CNTNAP1: variants seen among roughly 807,000 people sequenced by gnomAD.
The protein encoded by CNTNAP1 is contactin associated protein 1, also known as contactin-associated protein 1.
Under a neutral mutation model 161.5 loss-of-function variants are expected in CNTNAP1, and 80 were observed. The observed-to-expected ratio is 0.50, with a 90% CI of 0.41 to 0.60. The LOEUF is 0.60. CNTNAP1 is among the 20% of genes least tolerant of loss of function. The pLI, the probability that CNTNAP1 is intolerant of heterozygous loss-of-function variation, is 0.00. For synonymous variants in CNTNAP1, 695 were observed against 733.1 expected (o/e 0.95, Z 0.84); for missense variants, 1,464 against 1,854.8 (o/e 0.79, Z 3.87).
Position 42,693,507 on chromosome 17 carries a change from C to G in CNTNAP1, c.2963C>G (p.Thr988Arg). ...TACTACACGTGTGACTGTGACCTCA[C>G]GGCTTTTGATGGGCCATACTGCAAC... ...YSYYTCDCDLTAFDGPYCNHD... is the reference protein window; with the variant it reads ...YSYYTCDCDLRAFDGPYCNHD... Residue 988 changes from threonine (T) to arginine (R), a missense_variant, in exon 18 of 24, where the codon ACG (threonine) becomes AGG (arginine). Thr to Arg is a moderately conservative substitution (Grantham distance 71). Coordinates refer to ENST00000264638, the MANE Select transcript of CNTNAP1 (RefSeq NM_003632.3). 1 of 1,614,032 alleles carries G rather than the reference C, an allele frequency of 6.2e-7. No homozygotes were observed. Among genetic ancestry groups the G allele is most frequent in the Non-Finnish European group, 8.5e-7 (1 of 1,179,900 alleles).
chr17:42,686,356 T>C (rs933785000), intron 6 of CNTNAP1, among the ~76,000 whole-genome samples: 4 of 151,512 alleles, frequency 2.6e-5, no homozygotes, highest in African/African-American at 9.7e-5. Flanking sequence ...CTGGGCAACA[T>C]AGTGACATCC....
chr17:42,691,533 T>C lies in CNTNAP1; in HGVS notation c.2344+22T>C, dbSNP rs1056898572. 4.3e-5 allele frequency: 69 copies of C among 1,613,432 alleles called. No homozygotes were observed. Among genetic ancestry groups the C allele is most frequent in the Non-Finnish European group, 5.6e-5 (66 of 1,179,760 alleles). ...GATCGTGAGTGGCAGTCCCCTTTTGTGTGCCCTCCCAGAGCTGACTCTCCA... is the reference window on the plus strand; with the variant it reads ...GATCGTGAGTGGCAGTCCCCTTTTGCGTGCCCTCCCAGAGCTGACTCTCCA... On this transcript the variant is annotated intron_variant, in intron 15 of 23. Transcript: ENST00000264638. This position sits in a 1 kb window ranked among gnomAD's most constrained non-coding sequence, Gnocchi z 4.3.
Position 42,695,706 on chromosome 17 carries a change from C to G in CNTNAP1, c.3178C>G (p.Pro1060Ala). ...PGYHGPGYRL[P>A]DYPRPGRPVP... ...CTACCATGGCCCCGGGTACCGCCTG[C>G]CCGACTACCCCCGGCCTGGTCGGCC... Residue 1060 changes from proline (P) to alanine (A), a missense_variant, in exon 19 of 24, where the codon CCC becomes GCC. Pro to Ala is a conservative substitution (Grantham distance 27). Coordinates refer to ENST00000264638, the MANE Select transcript of CNTNAP1 (RefSeq NM_003632.3). 1 of 1,614,178 alleles carries G rather than the reference C, an allele frequency of 6.2e-7. No homozygotes were observed. Among genetic ancestry groups the G allele is most frequent in the Non-Finnish European group, 8.5e-7 (1 of 1,180,032 alleles).
Position 42,683,859 on chromosome 17 carries a change from C to T in CNTNAP1, c.106C>T (p.Arg36Cys). Residue 36 changes from arginine to cysteine, a missense_variant, in exon 2 of 24, where the codon CGC becomes TGC. Transcript: ENST00000264638. ...DEELVGPLYA[R>C]SLGASSYYSL... The stretch of plus-strand genomic sequence containing the variant: ...GGAGCTGGTGGGTCCCCTGTATGCA[C>T]GCTCCCTGGGCGCCTCCTCCTACTA... The T allele has an allele frequency of 2.5e-6, 4 of 1,612,876 alleles. No individual in the cohort carries two copies. The highest frequency in any genetic ancestry group is 3.4e-6 in the Non-Finnish European group (4 of 1,179,992).
intron 9 of CNTNAP1, 77 bp downstream of exon 9, chr17:42,688,688 C>T: frequency 6.3e-7 from 1 of 1,596,774 alleles, no homozygotes; most frequent in Non-Finnish European, 8.6e-7. Flanking sequence ...GATGGGGCCA[C>T]ATGGAGAATT....
intron 9 of CNTNAP1, 109 bp downstream of exon 9, chr17:42,688,720 C>A: frequency 6.5e-7 from 1 of 1,542,824 alleles, no homozygotes; most frequent in South Asian, 1.1e-5. Flanking sequence ...AAGCCCTCTT[C>A]CCCTCTGGGG....
In CNTNAP1 at chr17:42,690,756, G is replaced by C. The variant is rs564211340; in HGVS notation, c.1873G>C (p.Val625Leu). The C allele has an allele frequency of 4.3e-6, 7 of 1,614,208 alleles. No individual in the cohort carries two copies. In the East Asian group the frequency reaches 1.3e-4, roughly 31 times the overall value. Reference protein sequence around the residue: ...CDIRENRAWTVVRHDRLWTTR... With the variant: ...CDIRENRAWTLVRHDRLWTTR... The stretch of plus-strand genomic sequence containing the variant: ...TCTGCCAGAGAACCGAGCGTGGACA[G>C]TTGTGCGGCATGACAGGCTGTGGAC... The change falls in exon 13 of 24, where the codon GTT (valine) becomes CTT (leucine). Residue 625 changes from valine (V) to leucine (L), a missense_variant. Val to Leu is a conservative substitution (Grantham distance 32). This residue lies in a region of CNTNAP1 where 1,383 missense variants were observed against 1,765.0 expected (regional missense o/e 0.78). Coordinates refer to ENST00000264638, the MANE Select transcript of CNTNAP1 (RefSeq NM_003632.3).
At position 42,688,956 on chromosome 17, in the gene CNTNAP1, G is replaced by C. The variant is rs2053052313; in HGVS notation, c.1537G>C (p.Asp513His). 6.2e-7 allele frequency: 1 copy of C among 1,613,884 alleles called. No individual in the cohort carries two copies. Among genetic ancestry groups the C allele is most frequent in the African/African-American group, 1.3e-5 (1 of 74,896 alleles). The change falls in exon 10 of 24, where the codon GAT becomes CAT. Residue 513 changes from aspartate to histidine, a missense_variant. By Grantham distance (81) the Asp-to-His change is moderately conservative (BLOSUM62 -1). Around this residue, in one of 3 missense-constraint regions of CNTNAP1, gnomAD observed 1,383 missense variants for 1,765.0 expected, o/e 0.78. Coordinates refer to ENST00000264638, the MANE Select transcript of CNTNAP1 (RefSeq NM_003632.3). ...TGGCTGCATGGAGCTGCTCAAGGTG[G>C]ATGGTCAACTGGTCAACCTGACTCT... ...FHGCMELLKV[D>H]GQLVNLTLVE...
chr17:42,698,536 T>C (rs1216696842), intron 23 of CNTNAP1, 82 bp from the exon 24 acceptor site: 28 of 252,562 alleles, frequency 1.1e-4, no homozygotes, highest in Non-Finnish European at 1.6e-4. Flanking sequence ...AAAGAGTGCG[T>C]GTGTGTGTGT....
intron 11 of CNTNAP1, 80 bp from the exon 12 acceptor site, chr17:42,690,007 TG>T (rs2053064620): frequency 3.3e-6 from 5 of 1,530,688 alleles, no homozygotes; most frequent in Non-Finnish European, 4.5e-6. Flanking sequence ...CCCAAAGTGC[TG>T]GGATTACAGG....
In CNTNAP1 at chr17:42,698,845, G is replaced by A. The variant is rs1333011065; in HGVS notation, c.4090G>A (p.Ala1364Thr). Residue 1364 changes from alanine (A) to threonine (T), a missense_variant, in exon 24 of 24, where the codon GCC becomes ACC. This residue lies in a region of CNTNAP1 where 1,383 missense variants were observed against 1,765.0 expected (regional missense o/e 0.78). Coordinates refer to ENST00000264638, the MANE Select transcript of CNTNAP1 (RefSeq NM_003632.3). ...AGCCCCAGCCCCAGCCCCAACTCCA[G>A]CCCCAGCCCCTGGCCCCCGGGATCA... Reference protein sequence around the residue: ...ASAPAPAPTPAPAPGPRDQNL... With the variant: ...ASAPAPAPTPTPAPGPRDQNL... 1.3e-6 allele frequency: 2 copies of A among 1,508,898 alleles called. No individual in the cohort carries two copies. Among genetic ancestry groups the A allele is most frequent in the Non-Finnish European group, 8.9e-7 (1 of 1,127,244 alleles). 93.5% of individuals were successfully genotyped at this position (1,508,898 alleles called of 1,614,324 possible).
intron 10 of CNTNAP1, among the ~76,000 whole-genome samples, chr17:42,689,287 G>A (rs1302326966): frequency 6.6e-6 from 1 of 152,048 alleles, no homozygotes; most frequent in African/African-American, 2.4e-5. Context: ...CTAGGGGGAT[G>A]ATAGGGGTAG....
chr17:42,698,859 C>T lies in CNTNAP1; in HGVS notation c.4104C>T (p.Gly1368=), dbSNP rs749021699. ...APAPTPAPAP[G]PRDQNLPQIL... is the part of the protein sequence containing the mutation. Reference sequence around the variant, plus strand: ...CCCCAACTCCAGCCCCAGCCCCTGGCCCCCGGGATCAGAACCTACCCCAGA... The same window carrying T: ...CCCCAACTCCAGCCCCAGCCCCTGGTCCCCGGGATCAGAACCTACCCCAGA... Residue 1368 remains glycine, a synonymous_variant, in exon 24 of 24, where the codon GGC becomes GGT. Transcript: ENST00000264638. The T allele has an allele frequency of 1.9e-6, 3 of 1,584,092 alleles. No individual in the cohort carries two copies. Among genetic ancestry groups the T allele is most frequent in the Middle Eastern group, 1.9e-4 (1 of 5,306 alleles).
chr17:42,685,816 A>T lies in CNTNAP1; in HGVS notation c.716-141A>T. 1 of 843,000 alleles carries T rather than the reference A, an allele frequency of 1.2e-6. No individual in the cohort carries two copies. Among genetic ancestry groups the T allele is most frequent in the Non-Finnish European group, 1.8e-6 (1 of 549,824 alleles). 52.2% of individuals were successfully genotyped at this position (843,000 alleles called of 1,614,324 possible). On this transcript the variant is annotated intron_variant, in intron 5 of 23. Coordinates refer to ENST00000264638, the MANE Select transcript of CNTNAP1 (RefSeq NM_003632.3). This position sits in a 1 kb window ranked among gnomAD's most constrained non-coding sequence, Gnocchi z 5.0. The stretch of plus-strand genomic sequence containing the variant: ...GGCTAAATGGCTTACCCTGTCACAC[A>T]CTCGCCAATGGCTGTTGATCTATTC...
intron 6 of CNTNAP1, 81 bp from the exon 7 acceptor site, chr17:42,686,822 G>A: frequency 6.8e-7 from 1 of 1,472,776 alleles, no homozygotes; most frequent in Non-Finnish European, 9.1e-7. Context: ...CTGGCATTTG[G>A]GAAAGCATAC....
intron 20 of CNTNAP1, among the ~76,000 whole-genome samples, chr17:42,696,673 A>C (rs1567976218): frequency 6.6e-6 from 1 of 152,112 alleles, no homozygotes; most frequent in Non-Finnish European, 1.5e-5. Context: ...AAAGAGCCTC[A>C]GAAAGTAAAG....
chr17:42,685,193 G>GC lies in CNTNAP1; in HGVS notation c.512-21dup, dbSNP rs1274118036. ...TGGGAGACAGCCTCCCCAGTTCCCGGCCCACCTACGGTCCTTTGCGCAGAG... is the reference window on the plus strand; with the variant it reads ...TGGGAGACAGCCTCCCCAGTTCCCGGCCCCACCTACGGTCCTTTGCGCAGAG... On this transcript the variant is annotated intron_variant, in intron 4 of 23. Coordinates refer to ENST00000264638, the MANE Select transcript of CNTNAP1 (RefSeq NM_003632.3). The surrounding 1 kb of genome is among the most constrained non-coding windows in gnomAD (Gnocchi z 5.0). 6.2e-7 allele frequency: 1 copy of GC among 1,612,334 alleles called. No individual in the cohort carries two copies. Among genetic ancestry groups the GC allele is most frequent in the Admixed American group, 1.7e-5 (1 of 60,012 alleles).
chr17:42,682,576 T>A lies in CNTNAP1; in HGVS notation c.-254T>A. 1.6e-5 allele frequency: 7 copies of A among 432,906 alleles called. No individual in the cohort carries two copies. The highest frequency in any genetic ancestry group is 6.5e-5 in the South Asian group (2 of 30,788). The allele number at this position is 432,906 out of a possible 1,614,324, so 26.8% of individuals were successfully genotyped here. A position where few individuals can be genotyped will look rare whatever the true frequency, so the allele number is the denominator to read the frequency against. On this transcript the variant is annotated 5_prime_UTR_variant, in exon 1 of 24. Transcript: ENST00000264638. ...GACAGAGGCTGGGGAAGGGGGGAGG[T>A]GAGAGGAAAGAGGGTGGAAAGGAGA... is the stretch of plus-strand genomic sequence containing the variant.
intron 20 of CNTNAP1, 105 bp downstream of exon 20, chr17:42,696,257 T>A (rs1567976080): frequency 7.0e-7 from 1 of 1,434,718 alleles, no homozygotes; most frequent in Non-Finnish European, 9.5e-7. Flanking sequence ...CACATTTGAA[T>A]GTATAGAGGA....
Sources: gnomAD v4.1 joint callset for allele counts (sites outside exome capture counted in the v4.1 genomes callset) on GRCh38, gnomAD v4.1.1 for gene constraint, gnomAD v4.1.1 regional missense constraint, Gnocchi (gnomAD v3.1) non-coding constraint, MANE v1.5 for transcripts, NCBI Gene and HGNC (gene_info 2026-07-23, HGNC 2026-07-21) for gene names.